The following ELAVL4 variants were observed in gnomAD, a reference collection of about 807,000 sequenced individuals.
ELAVL4 encodes the protein ELAV like RNA binding protein 4.
ELAVL4 carries 1 observed loss-of-function variant against 35.6 expected under a neutral mutation model. The observed-to-expected ratio is 0.03, with a 90% CI of 0.01 to 0.13. The LOEUF is 0.13. ELAVL4 is among the 10% of genes least tolerant of loss of function. The pLI is 1.00. For synonymous variants in ELAVL4, 156 were observed against 171.0 expected, an observed-to-expected ratio of 0.91 and a Z score of 0.69; for missense variants, 267 against 464.9, an observed-to-expected ratio of 0.57 and a Z score of 3.91.
chr1:50,173,853 A>T (rs745482215), intron 2 of ELAVL4, among the ~76,000 whole-genome samples: 1 of 152,196 alleles, frequency 6.6e-6, no homozygotes, highest in Non-Finnish European at 1.5e-5. Flanking sequence ...AAAAAGAAAG[A>T]GTAATAAAAA....
At chr1:50,157,137 A>AT (rs975163885) in intron 2 of ELAVL4, among the ~76,000 whole-genome samples, 3 of 152,046 alleles carry the variant, frequency 2.0e-5, no homozygotes, top group African/African-American at 7.2e-5. Context: ...AATTTCTGAG[A>AT]TTTTTTTTAA....
intron 1 of ELAVL4, among the ~76,000 whole-genome samples, chr1:50,092,294 A>G (rs1047914115): frequency 2.0e-5 from 3 of 152,186 alleles, no homozygotes; most frequent in African/African-American, 7.2e-5. Context: ...TTTGAGCTGA[A>G]TCTTATAGGT....
At chr1:50,077,250 C>G (rs12028252) in intron 1 of ELAVL4, among the ~76,000 whole-genome samples, 68,826 of 151,990 alleles carry the variant, frequency 0.45, 18,615 homozygotes, top group Non-Finnish European at 0.61. Flanking sequence ...GGTCACAAAT[C>G]CCAAAATCTG....
At chr1:50,129,881 A>C (rs938112868) in intron 1 of ELAVL4, among the ~76,000 whole-genome samples, 2 of 152,162 alleles carry the variant, frequency 1.3e-5, no homozygotes, top group African/African-American at 4.8e-5. Context: ...CTGAGTGCTT[A>C]CTGTGTACTG....
intron 3 of ELAVL4, among the ~76,000 whole-genome samples, chr1:50,184,582 C>G (rs563289598): frequency 2.0e-5 from 3 of 152,150 alleles, no homozygotes; most frequent in Non-Finnish European, 4.4e-5. Flanking sequence ...GGAAAGAAGT[C>G]TCTGCACCCA....
Position 50,073,602 on chromosome 1 carries a change from T to A in ELAVL4, c.18+25420T>A, listed in dbSNP as rs114933850. Among the ~76,000 whole-genome samples, 313 of 152,088 alleles carry A rather than the reference T, an allele frequency of 2.1e-3. 4 individuals carry two copies. Among genetic ancestry groups the A allele is most frequent in the African/African-American group, 7.1e-3 (293 of 41,482 alleles). On this transcript the variant is annotated intron_variant, in intron 1 of 6. Coordinates refer to the ELAVL4 transcript ENST00000448907. ...TGCATTAAAATTTATGAAAAATGAA[T>A]TAAGAAAAAACAACCCCTTACCTTT...
At chr1:50,136,592 T>C (rs1671926361) in intron 1 of ELAVL4, among the ~76,000 whole-genome samples, 1 of 152,102 alleles carries the variant, frequency 6.6e-6, no homozygotes, top group South Asian at 2.1e-4. Flanking sequence ...TACATACTCA[T>C]TAAAATATTT....
chr1:50,053,098 T>G (rs920079895), intron 1 of ELAVL4, among the ~76,000 whole-genome samples: 2 of 152,228 alleles, frequency 1.3e-5, no homozygotes, highest in African/African-American at 4.8e-5. Context: ...ATACTTGATC[T>G]TATGTTTCTT....
intron 3 of ELAVL4, among the ~76,000 whole-genome samples, chr1:50,185,795 T>C (rs1032274340): frequency 1.3e-5 from 2 of 152,208 alleles, no homozygotes; most frequent in African/African-American, 4.8e-5. Context: ...TGAATTTTAC[T>C]AAGATTCGGG....
chr1:50,181,746 C>T (rs961843802), intron 3 of ELAVL4, among the ~76,000 whole-genome samples: 8 of 152,118 alleles, frequency 5.3e-5, no homozygotes, highest in African/African-American at 1.7e-4. Context: ...CGCAATGGTG[C>T]GATCTGGGCT....
chr1:50,141,032 C>T (rs920626730), intron 1 of ELAVL4, among the ~76,000 whole-genome samples: 2 of 152,156 alleles, frequency 1.3e-5, no homozygotes, highest in South Asian at 2.1e-4. Flanking sequence ...AAAGCTGATG[C>T]GGGGACTGAA....
intron 1 of ELAVL4, among the ~76,000 whole-genome samples, chr1:50,069,378 T>C (rs2148485476): frequency 6.6e-6 from 1 of 152,338 alleles, no homozygotes; most frequent in East Asian, 1.9e-4. Flanking sequence ...TTAATTCTGG[T>C]TGAGTCTTGT....
At chr1:50,064,302 G>A (rs1017964758) in intron 1 of ELAVL4, among the ~76,000 whole-genome samples, 1 of 152,144 alleles carries the variant, frequency 6.6e-6, no homozygotes, top group Non-Finnish European at 1.5e-5. Flanking sequence ...TATTCTTACC[G>A]ATTTTTTCCC....
intron 2 of ELAVL4, among the ~76,000 whole-genome samples, chr1:50,172,550 T>C (rs1679206310): frequency 6.6e-6 from 1 of 152,198 alleles, no homozygotes; most frequent in Non-Finnish European, 1.5e-5. Context: ...GAAAAAGTTC[T>C]ATTGGAACAC....
At chr1:50,199,430 G>A (rs891961776) in intron 6 of ELAVL4, among the ~76,000 whole-genome samples, 3 of 152,158 alleles carry the variant, frequency 2.0e-5, no homozygotes, top group South Asian at 2.1e-4. Flanking sequence ...TCAAAAATCC[G>A]TATATAAGCT....
chr1:50,193,312 A>T (rs1392789677), intron 3 of ELAVL4, among the ~76,000 whole-genome samples: 1 of 150,424 alleles, frequency 6.6e-6, no homozygotes, highest in African/African-American at 2.4e-5. Context: ...GAAGAAGGGG[A>T]TGGGGGTAGG....
intron 2 of ELAVL4, among the ~76,000 whole-genome samples, chr1:50,167,251 A>C (rs1354300232): frequency 2.0e-5 from 3 of 152,188 alleles, no homozygotes; most frequent in African/African-American, 7.2e-5. Context: ...GATGATGGGG[A>C]ACATGGTAAT....
chr1:50,159,641 A>G (rs1676421174), intron 2 of ELAVL4, among the ~76,000 whole-genome samples: 1 of 151,990 alleles, frequency 6.6e-6, no homozygotes, highest in Non-Finnish European at 1.5e-5. Flanking sequence ...GGCTCTTTTT[A>G]TCAGTACTTC....
At chr1:50,199,232 T>C (rs1428577759) in intron 6 of ELAVL4, among the ~76,000 whole-genome samples, 1 of 152,258 alleles carries the variant, frequency 6.6e-6, no homozygotes, top group Non-Finnish European at 1.5e-5. Context: ...ATCCAAATTC[T>C]AGTTAGATAC....
Sources: allele counts gnomAD v4.1 joint callset (sites outside exome capture counted in the v4.1 genomes callset), GRCh38; gene constraint gnomAD v4.1.1; transcripts MANE v1.5; gene names NCBI Gene and HGNC (gene_info 2026-07-23, HGNC 2026-07-21).